The following SDK2 variants were observed in gnomAD, a reference collection of about 807,000 sequenced individuals.
The protein encoded by SDK2 is sidekick cell adhesion molecule 2.
SDK2 carries 105 observed loss-of-function variants against 253.9 expected under a neutral mutation model. That is an observed-to-expected ratio of 0.41 (90% CI 0.35 to 0.49). SDK2 has a LOEUF of 0.49. Ranked by LOEUF, SDK2 falls within the 20% of genes least tolerant of loss-of-function variation. SDK2 has a pLI of 0.06. For synonymous variants in SDK2, 1,249 were observed against 1,234.9 expected, an observed-to-expected ratio of 1.01 and a Z score of -0.24; for missense variants, 2,608 against 3,003.0, an observed-to-expected ratio of 0.87 and a Z score of 3.07.
At chr17:73,386,423 C>T (rs2062872486) in intron 31 of SDK2, 22 bp downstream of exon 31, 7 of 1,483,146 alleles carry the variant, frequency 4.7e-6, no homozygotes, top group Non-Finnish European at 6.5e-6. Context: ...GAGAGAGAGA[C>T]TGCTGGGGAA....
At chr17:73,449,513 G>A (rs780281044) in intron 4 of SDK2, among the ~76,000 whole-genome samples, 1 of 151,478 alleles carries the variant, frequency 6.6e-6, no homozygotes, top group African/African-American at 2.4e-5. Context: ...CACATGCTGA[G>A]AATCACACTC....
Position 73,401,083 on chromosome 17 carries a change from C to A in SDK2, c.2908G>T (p.Ala970Ser), listed in dbSNP as rs759676394. ...ALTTYTIEVA[A>S]MTSKGQGQVS... Reference sequence around the variant, plus strand: ...TGGCCCTGGCCCTTTGAGGTCATGGCGGCCACCTCGATGGTGTAGGTGGTG... The same window carrying A: ...TGGCCCTGGCCCTTTGAGGTCATGGAGGCCACCTCGATGGTGTAGGTGGTG... The change falls in exon 21 of 45, where the codon GCC becomes TCC. Residue 970 changes from alanine (A) to serine (S), a missense_variant. Physicochemically the swap from Ala to Ser is moderately conservative, Grantham distance 99. This residue lies in a region of SDK2 where 1,505 missense variants were observed against 1,859.1 expected (regional missense o/e 0.81). Transcript: ENST00000392650. The A allele has an allele frequency of 6.4e-7, 1 of 1,570,592 alleles. No individual in the cohort carries two copies. Among genetic ancestry groups the A allele is most frequent in the Non-Finnish European group, 8.6e-7 (1 of 1,157,912 alleles).
intron 2 of SDK2, among the ~76,000 whole-genome samples, chr17:73,485,455 T>C (rs1260688743): frequency 6.6e-6 from 1 of 152,158 alleles, no homozygotes; most frequent in Non-Finnish European, 1.5e-5. Flanking sequence ...GAGGCTGGAC[T>C]TCATGGCTGG....
intron 32 of SDK2, among the ~76,000 whole-genome samples, chr17:73,385,299 G>A (rs1036194831): frequency 1.3e-5 from 2 of 152,196 alleles, no homozygotes; most frequent in Non-Finnish European, 2.9e-5. Context: ...CCAGGCCATG[G>A]CAGAGCAGGC....
In SDK2 at chr17:73,548,262, ATGCCCTTTCTGC is replaced by A. The variant is rs1312437314; in HGVS notation, c.65-40677_65-40666del. 8.5e-5 allele frequency among the ~76,000 whole-genome samples: 13 copies of A among 152,364 alleles called. 1 individual carries two copies. The South Asian group carries it at 2.7e-3, about 32-fold the overall frequency. ...GTGGTGGCATTCAATCTTGGGACAC[ATGCCCTTTCTGC>A]TGCCCTGCAGCTTGGAGAATTCTAG... On this transcript the variant is annotated intron_variant, in intron 1 of 44. Coordinates refer to ENST00000392650, the MANE Select transcript of SDK2 (RefSeq NM_001144952.2).
intron 1 of SDK2, among the ~76,000 whole-genome samples, chr17:73,613,590 C>G (rs1431388383): frequency 0.044 from 878 of 19,802 alleles, 25 homozygotes; most frequent in African/African-American, 0.16. Context: ...TGCGGCCCCA[C>G]CCCCACCCCC....
chr17:73,389,945 C>T (rs1378654372), intron 29 of SDK2, among the ~76,000 whole-genome samples: 1 of 152,162 alleles, frequency 6.6e-6, no homozygotes, highest in African/African-American at 2.4e-5. Context: ...GACGGGGTTT[C>T]ACCATGTTGG....
intron 1 of SDK2, among the ~76,000 whole-genome samples, chr17:73,636,937 T>G (rs1487894763): frequency 6.6e-6 from 1 of 152,172 alleles, no homozygotes; most frequent in Non-Finnish European, 1.5e-5. Context: ...TGGAAGGTTT[T>G]TCTCCTTGTT....
intron 10 of SDK2, among the ~76,000 whole-genome samples, chr17:73,432,407 G>A (rs1037437660): frequency 6.6e-6 from 1 of 152,132 alleles, no homozygotes; most frequent in African/African-American, 2.4e-5. Flanking sequence ...TCGCATGTCC[G>A]TTTGTACATG....
Position 73,391,502 on chromosome 17 carries a change from A to C in SDK2, c.3935T>G (p.Val1312Gly). ...GATCAGCCGCACAGACGTGGTCCGC[A>C]CCTCTGGGAACAGGATGCCCATGGG... Reference protein sequence around the residue: ...GPPMGILFPEVRTTSVRLIWQ... With the variant: ...GPPMGILFPEGRTTSVRLIWQ... Residue 1312 changes from valine to glycine, a missense_variant, in exon 28 of 45, where the codon GTG (valine) becomes GGG (glycine). By Grantham distance (109) the Val-to-Gly change is moderately radical. Transcript: ENST00000392650. 1.5e-6 allele frequency: 2 copies of C among 1,306,644 alleles called. No individual in the cohort carries two copies. The highest frequency in any genetic ancestry group is 2.0e-6 in the Non-Finnish European group (2 of 1,019,568). The allele number at this position is 1,306,644 out of a possible 1,614,324, so 80.9% of individuals were successfully genotyped here.
At chr17:73,509,902 C>CA (rs71157018) in intron 1 of SDK2, among the ~76,000 whole-genome samples, 7,186 of 25,410 alleles carry the variant, frequency 0.28, 1,201 homozygotes, top group African/African-American at 0.29. Context: ...TCCATCTCTA[C>CA]AAAAAAAAAA....
rs140046617 is a variant in SDK2 at position 73,559,722 on chromosome 17, C to T, written c.65-52125G>A. ...GATGGGACAGGTAAGGTTGGCCCCTCCCCCTTTCTTTTCTTCCCTACCTCC... is the reference window on the plus strand; with the variant it reads ...GATGGGACAGGTAAGGTTGGCCCCTTCCCCTTTCTTTTCTTCCCTACCTCC... On this transcript the variant is annotated intron_variant, in intron 1 of 44. Coordinates refer to ENST00000392650, the MANE Select transcript of SDK2 (RefSeq NM_001144952.2). Among the ~76,000 whole-genome samples the T allele has an allele frequency of 2.2e-3, 331 of 152,164 alleles. 1 individual carries two copies. Among genetic ancestry groups the T allele is most frequent in the African/African-American group, 7.6e-3 (314 of 41,486 alleles).
In SDK2 at chr17:73,383,847, C is replaced by T. The variant is rs1463649316; in HGVS notation, c.4705+29G>A. 1 of 1,612,952 alleles carries T rather than the reference C, an allele frequency of 6.2e-7. No individual in the cohort carries two copies. The highest frequency in any genetic ancestry group is 8.5e-7 in the Non-Finnish European group (1 of 1,179,056). On this transcript the variant is annotated intron_variant, in intron 33 of 44. Transcript: ENST00000392650. This position sits in a 1 kb window ranked among gnomAD's most constrained non-coding sequence, Gnocchi z 4.3. ...TGAGGGTGACCGCCCCCATCCCACC[C>T]ATTCCTCTGGCTCCCAAGTGTCACT...
chr17:73,500,876 T>A (rs1048756957), intron 2 of SDK2, among the ~76,000 whole-genome samples: 8 of 148,814 alleles, frequency 5.4e-5, no homozygotes, highest in Non-Finnish European at 1.2e-4. Flanking sequence ...CCTCCATCCA[T>A]CCTCCCTCCA....
intron 1 of SDK2, among the ~76,000 whole-genome samples, chr17:73,591,781 A>G (rs758685418): frequency 2.6e-5 from 4 of 152,168 alleles, no homozygotes; most frequent in Non-Finnish European, 4.4e-5. Context: ...ATGCAGGCAC[A>G]TGACTGAGCT....
chr17:73,513,775 T>A (rs1329587191), intron 1 of SDK2: 5 of 152,226 alleles, frequency 3.3e-5, no homozygotes. Flanking sequence ...GCCTGAGCGA[T>A]CTTTGAGAAC....
intron 3 of SDK2, 28 bp from the exon 4 acceptor site, chr17:73,456,081 CA>C (rs2063524277): frequency 2.1e-6 from 3 of 1,456,972 alleles, no homozygotes; most frequent in South Asian, 1.4e-5. Context: ...GCAGTAGGAT[CA>C]GGGGCGGGAG....
intron 1 of SDK2, among the ~76,000 whole-genome samples, chr17:73,536,572 G>T (rs1314618222): frequency 6.6e-6 from 1 of 152,200 alleles, no homozygotes; most frequent in Non-Finnish European, 1.5e-5. Flanking sequence ...CTGACCAGGG[G>T]GGCCACACAG....
In SDK2 at chr17:73,644,187, AC is replaced by A; in HGVS notation, c.-100del. On this transcript the variant is annotated 5_prime_UTR_variant, in exon 1 of 45. Transcript: ENST00000392650. This position sits in a 1 kb window ranked among gnomAD's most constrained non-coding sequence, Gnocchi z 6.3. ...ATACCCCGTGGCTTAGTCCCAGGAA[AC>A]AGTCAGTCTACGCGGCTCCGTGCCC... is the stretch of plus-strand genomic sequence containing the variant. 3 of 1,012,174 alleles carry A rather than the reference AC, an allele frequency of 3.0e-6. No individual in the cohort carries two copies. The South Asian group carries it at 4.3e-5, about 14-fold the overall frequency. 62.7% of individuals were successfully genotyped at this position (1,012,174 alleles called of 1,614,324 possible).
Sources: gnomAD v4.1 joint callset for allele counts (sites outside exome capture counted in the v4.1 genomes callset) on GRCh38, gnomAD v4.1.1 for gene constraint, gnomAD v4.1.1 regional missense constraint, Gnocchi (gnomAD v3.1) non-coding constraint, MANE v1.5 for transcripts, NCBI Gene and HGNC (gene_info 2026-07-23, HGNC 2026-07-21) for gene names.